The following FARP1 variants were observed in gnomAD, a reference collection of about 807,000 sequenced individuals.
FARP1 encodes the protein FERM, ARH/RhoGEF and pleckstrin domain protein 1, also known as FERM, ARHGEF and pleckstrin domain-containing protein 1.
Under a neutral mutation model 128.8 loss-of-function variants are expected in FARP1, and 52 were observed. The ratio of observed to expected loss-of-function variants is 0.40; its 90% confidence interval spans 0.32 to 0.51. The LOEUF (loss-of-function observed/expected upper bound fraction) is 0.51, where lower values mean the gene tolerates loss of function less well. Ranked by LOEUF, FARP1 falls within the 20% of genes least tolerant of loss-of-function variation. The pLI is 0.45. For missense variants in FARP1, 1,333 were observed against 1,367.9 expected (o/e 0.97, Z 0.40); for synonymous variants, 580 against 551.8 (o/e 1.05, Z -0.72).
chr13:98,238,234 A>C (rs1882550408), intron 2 of FARP1, among the ~76,000 whole-genome samples: 1 of 152,234 alleles, frequency 6.6e-6, no homozygotes, highest in Non-Finnish European at 1.5e-5. Flanking sequence ...TTTCATGCAG[A>C]TGTCTCTGCT....
chr13:98,268,292 G>T (rs760739787), intron 2 of FARP1, among the ~76,000 whole-genome samples: 35 of 152,160 alleles, frequency 2.3e-4, no homozygotes, highest in Admixed American at 6.5e-5. Flanking sequence ...AATTTGTGCT[G>T]TCTGGCCCTT....
chr13:98,324,749 C>T (rs116857781), intron 2 of FARP1, among the ~76,000 whole-genome samples: 74 of 152,284 alleles, frequency 4.9e-4, no homozygotes, highest in East Asian at 4.4e-3. Flanking sequence ...TTCCCTTTCC[C>T]GTTTGTGCTA....
chr13:98,162,795 C>T (rs376473091), intron 1 of FARP1, among the ~76,000 whole-genome samples: 1 of 152,214 alleles, frequency 6.6e-6, no homozygotes, highest in Admixed American at 6.5e-5. Flanking sequence ...TCAGGAGCTA[C>T]AAGATCTTAA....
intron 3 of FARP1, among the ~76,000 whole-genome samples, chr13:98,352,094 C>T (rs1283639565): frequency 1.3e-5 from 2 of 152,110 alleles, no homozygotes; most frequent in African/African-American, 2.4e-5. Flanking sequence ...TACATAAAGA[C>T]AGCTACTTAG....
intron 15 of FARP1, 92 bp from the exon 16 acceptor site, chr13:98,411,809 A>G: frequency 7.2e-7 from 1 of 1,381,366 alleles, no homozygotes; most frequent in East Asian, 2.3e-5. Context: ...GGCTCCTCCC[A>G]GTGCATTTGG....
intron 2 of FARP1, among the ~76,000 whole-genome samples, chr13:98,268,053 C>T (rs9582207): frequency 0.42 from 63,135 of 152,116 alleles, 13,894 homozygotes; most frequent in African/African-American, 0.55. Flanking sequence ...ACCTCCAGAA[C>T]TTTTTCACGC....
At chr13:98,271,038 C>T (rs192007767) in intron 2 of FARP1, among the ~76,000 whole-genome samples, 8 of 152,254 alleles carry the variant, frequency 5.3e-5, no homozygotes, top group Admixed American at 3.3e-4. Context: ...TTCATGAAGA[C>T]GATTATACAT....
chr13:98,422,244 C>T (rs368724455), intron 16 of FARP1, among the ~76,000 whole-genome samples: 20 of 152,246 alleles, frequency 1.3e-4, no homozygotes, highest in Non-Finnish European at 1.6e-4. Flanking sequence ...GCAGTGGGGC[C>T]GACCAGCCCG....
At chr13:98,252,175 A>C (rs1290453120) in intron 2 of FARP1, among the ~76,000 whole-genome samples, 1 of 152,194 alleles carries the variant, frequency 6.6e-6, no homozygotes, top group African/African-American at 2.4e-5. Flanking sequence ...CAATGTTAAT[A>C]ATATGTATTA....
chr13:98,364,155 C>T (rs1257622489), intron 3 of FARP1, among the ~76,000 whole-genome samples: 1 of 152,146 alleles, frequency 6.6e-6, no homozygotes, highest in Non-Finnish European at 1.5e-5. Flanking sequence ...AATTAGTATT[C>T]CTTGTGTGTG....
At chr13:98,328,676 T>C (rs566142868) in intron 2 of FARP1, 7 of 152,306 alleles carry the variant, frequency 4.6e-5, no homozygotes, top group African/African-American at 1.7e-4. Flanking sequence ...CATACCCCAG[T>C]TGCCAGCATC....
chr13:98,450,093 C>T lies in FARP1; in HGVS notation c.*1776C>T, dbSNP rs1212538819. The stretch of plus-strand genomic sequence containing the variant: ...GACACTGGTGGTTCTGACCTGTGAC[C>T]AGCACCTCTGCTTCCTGTGTGCCCT... On this transcript the variant is annotated 3_prime_UTR_variant, in exon 27 of 27. Transcript: ENST00000319562. 1.3e-5 allele frequency: 2 copies of T among 152,182 alleles called. No homozygotes were observed. Among genetic ancestry groups the T allele is most frequent in the South Asian group, 2.1e-4 (1 of 4,822 alleles). 9.4% of individuals were successfully genotyped at this position (152,182 alleles called of 1,614,324 possible). A position where few individuals can be genotyped will look rare whatever the true frequency, so the allele number is the denominator to read the frequency against.
In FARP1 at chr13:98,187,957, C is replaced by T. The variant is rs141931122; in HGVS notation, c.-23-25263C>T. On this transcript the variant is annotated intron_variant, in intron 1 of 26. Coordinates refer to ENST00000319562, the MANE Select transcript of FARP1 (RefSeq NM_005766.4). ...TCAATCATGAAGACAATTATTTTGACTTGAGACAAAGAAAATGAAAGTCCT... is the reference window on the plus strand; with the variant it reads ...TCAATCATGAAGACAATTATTTTGATTTGAGACAAAGAAAATGAAAGTCCT... 1.8e-4 allele frequency among the ~76,000 whole-genome samples: 28 copies of T among 152,310 alleles called. No homozygotes were observed. The East Asian group carries it at 5.4e-3, about 29-fold the overall frequency.
At chr13:98,155,957 G>A (rs1876470948) in intron 1 of FARP1, among the ~76,000 whole-genome samples, 1 of 152,210 alleles carries the variant, frequency 6.6e-6, no homozygotes, top group African/African-American at 2.4e-5. Context: ...ATTGAGTGCT[G>A]TCTTGGAAGC....
chr13:98,307,505 C>T lies in FARP1; in HGVS notation c.172-36257C>T, dbSNP rs548671380. 3.9e-5 allele frequency among the ~76,000 whole-genome samples: 6 copies of T among 152,170 alleles called. No homozygotes were observed. The East Asian group carries it at 5.8e-4, about 15-fold the overall frequency. ...CTCCTGCCCAGCCTTGTGGGTGTCC[C>T]GAGGTGGTGTCGTGAGTCCTGTTCA... On this transcript the variant is annotated intron_variant, in intron 2 of 26. Coordinates refer to ENST00000319562, the MANE Select transcript of FARP1 (RefSeq NM_005766.4).
At chr13:98,441,746 T>C (rs1018922681) in intron 24 of FARP1, among the ~76,000 whole-genome samples, 15 of 152,096 alleles carry the variant, frequency 9.9e-5, no homozygotes, top group African/African-American at 3.6e-4. Flanking sequence ...ATGACCCGCC[T>C]TAAGGAAGGG....
chr13:98,313,265 A>ACACACT (rs1228565027), intron 2 of FARP1, among the ~76,000 whole-genome samples: 5 of 150,666 alleles, frequency 3.3e-5, no homozygotes, highest in African/African-American at 1.2e-4. Flanking sequence ...ACACACACAC[A>ACACACT]CACACACACT....
intron 2 of FARP1, among the ~76,000 whole-genome samples, chr13:98,219,808 G>A (rs892596586): frequency 2.5e-4 from 38 of 152,206 alleles, no homozygotes; most frequent in African/African-American, 9.1e-4. Context: ...TGAGACTACA[G>A]GCACGCATCA....
At chr13:98,223,808 C>G (rs188763811) in intron 2 of FARP1, among the ~76,000 whole-genome samples, 1 of 152,312 alleles carries the variant, frequency 6.6e-6, no homozygotes, top group African/African-American at 2.4e-5. Flanking sequence ...CCTCATCTCC[C>G]CAGAAGCTAC....
Sources: gnomAD v4.1 joint callset for allele counts (sites outside exome capture counted in the v4.1 genomes callset) on GRCh38, gnomAD v4.1.1 for gene constraint, MANE v1.5 for transcripts, NCBI Gene and HGNC (gene_info 2026-07-23, HGNC 2026-07-21) for gene names.